The following IRAG1 variants were observed in gnomAD, a reference collection of about 807,000 sequenced individuals.
IRAG1 encodes inositol 1,4,5-triphosphate receptor associated 1.
Under a neutral mutation model 106.2 loss-of-function variants are expected in IRAG1, and 62 were observed. The observed-to-expected ratio is 0.58, with a 90% CI of 0.48 to 0.72. The LOEUF (loss-of-function observed/expected upper bound fraction) is 0.72. Ranked by LOEUF, IRAG1 falls within the 30% of genes least tolerant of loss-of-function variation. The pLI is 0.00. For missense variants in IRAG1, 1,064 were observed against 1,140.7 expected, an observed-to-expected ratio of 0.93 and a Z score of 0.97; for synonymous variants, 462 against 443.9, an observed-to-expected ratio of 1.04 and a Z score of -0.51.
At position 10,628,718 on chromosome 11, in the gene IRAG1, AGGGCAGGAAGTCCCC is replaced by A. The variant is rs1856463215; in HGVS notation, c.652+18_652+32del. The A allele has an allele frequency of 1.3e-6, 2 of 1,488,438 alleles. No homozygotes were observed. Among genetic ancestry groups the A allele is most frequent in the African/African-American group, 1.4e-5 (1 of 68,982 alleles). 92.2% of individuals were successfully genotyped at this position (1,488,438 alleles called of 1,614,324 possible). On this transcript the variant is annotated intron_variant, in intron 6 of 20. Transcript: ENST00000423302. The surrounding 1 kb of genome is among the most constrained non-coding windows in gnomAD (Gnocchi z 4.1). ...TGAGCTGCCACCCAGAGCGAGAGGC[AGGGCAGGAAGTCCCC>A]GGGCAGCTGGGCCTCACCTGGCGGG...
chr11:10,624,011 GAAGCACCAGGA>G (rs1260403185), intron 9 of IRAG1, among the ~76,000 whole-genome samples, 155 bp from the exon 10 acceptor site: 1 of 152,218 alleles, frequency 6.6e-6, no homozygotes, highest in Non-Finnish European at 1.5e-5. Flanking sequence ...TGAGGCCTGA[GAAGCACCAGGA>G]AATAGTTCCT....
At chr11:10,625,077 T>C (rs1856133386) in intron 9 of IRAG1, among the ~76,000 whole-genome samples, 1 of 152,212 alleles carries the variant, frequency 6.6e-6, no homozygotes, top group Admixed American at 6.5e-5. Flanking sequence ...CAGAGCATCA[T>C]GAAGGTATCT....
At chr11:10,687,759 A>C in intron 1 of IRAG1, 1 of 1,289,144 alleles carries the variant, frequency 7.8e-7, no homozygotes, top group African/African-American at 1.5e-5. Flanking sequence ...CCAGTGCAGA[A>C]GTCTTCTTGA....
rs774701631 is a variant in IRAG1, at chr11:10,657,391, C to T, written c.68-5209G>A. Among the ~76,000 whole-genome samples, 2 of 152,104 alleles carry T rather than the reference C, an allele frequency of 1.3e-5. No individual in the cohort carries two copies. Among genetic ancestry groups the T allele is most frequent in the Non-Finnish European group, 2.9e-5 (2 of 68,018 alleles). On this transcript the variant is annotated intron_variant, in intron 1 of 20. Coordinates refer to ENST00000423302, the MANE Select transcript of IRAG1 (RefSeq NM_130385.4). The surrounding 1 kb of genome is among the most constrained non-coding windows in gnomAD (Gnocchi z 4.1). ...AGGCAGCAGCAGCCTCTCATCATGG[C>T]GCCAAAGATGCCTCTCCCAGAGCCT...
chr11:10,593,654 T>G, intron 16 of IRAG1, 55 bp from the exon 17 acceptor site: 1 of 1,355,728 alleles, frequency 7.4e-7, no homozygotes, highest in Non-Finnish European at 1.0e-6. Context: ...ATAGCCATAG[T>G]TCAGAAGGGC....
intron 1 of IRAG1, among the ~76,000 whole-genome samples, chr11:10,690,935 AG>A (rs1208367375): frequency 6.6e-6 from 1 of 152,116 alleles, no homozygotes; most frequent in Non-Finnish European, 1.5e-5. Flanking sequence ...GGGCAGGGCC[AG>A]AGTCTGGGGG....
intron 1 of IRAG1, among the ~76,000 whole-genome samples, chr11:10,676,503 G>T (rs1860688430): frequency 6.6e-6 from 1 of 152,192 alleles, no homozygotes; most frequent in Admixed American, 6.5e-5. Context: ...CCCAGCTCTG[G>T]GTTGTAATTG....
At chr11:10,669,916 A>C (rs1860086917) in intron 1 of IRAG1, among the ~76,000 whole-genome samples, 2 of 152,208 alleles carry the variant, frequency 1.3e-5, no homozygotes, top group South Asian at 4.1e-4. Flanking sequence ...CAATAAAAAC[A>C]CTCAGAGGCC....
intron 11 of IRAG1, among the ~76,000 whole-genome samples, chr11:10,608,808 T>C (rs572297445): frequency 5.3e-4 from 80 of 152,344 alleles, no homozygotes; most frequent in Middle Eastern, 3.4e-3. Context: ...CTTGACACTG[T>C]TTGCAGCACA....
intron 20 of IRAG1, 56 bp from the exon 21 acceptor site, chr11:10,576,631 C>T (rs1850837525): frequency 6.3e-7 from 1 of 1,596,856 alleles, no homozygotes; most frequent in African/African-American, 1.3e-5. Context: ...ACATATGATA[C>T]ACAGACCCAC....
chr11:10,652,095 G>A lies in IRAG1; in HGVS notation c.155C>T (p.Ala52Val). Reference protein sequence around the residue: ...GTRGHSQQEAAMPHIPEDEEP... With the variant: ...GTRGHSQQEAVMPHIPEDEEP... The stretch of plus-strand genomic sequence containing the variant: ...CTCGTCCTCGGGAATGTGGGGCATG[G>A]CAGCCTCCTGCTGGGAGTGGCCACG... Residue 52 changes from alanine to valine, a missense_variant, in exon 2 of 21, where the codon GCC (alanine) becomes GTC (valine). Coordinates refer to ENST00000423302, the MANE Select transcript of IRAG1 (RefSeq NM_130385.4). 6.2e-7 allele frequency: 1 copy of A among 1,606,942 alleles called. No homozygotes were observed. Among genetic ancestry groups the A allele is most frequent in the Non-Finnish European group, 8.5e-7 (1 of 1,177,178 alleles).
rs1856734759 is a variant in IRAG1 at position 10,632,055 on chromosome 11, G to A, written c.336C>T (p.His112=). 1.9e-6 allele frequency: 3 copies of A among 1,613,232 alleles called. No homozygotes were observed. Among genetic ancestry groups the A allele is most frequent in the Non-Finnish European group, 2.5e-6 (3 of 1,179,264 alleles). ...ETDKNLANRV[H]SPHKRLSHRH... The stretch of plus-strand genomic sequence containing the variant: ...GGTGAGAAAGCCTCTTGTGGGGACT[G>A]TGAACTCTGAAAGACAGAACAGTCA... Residue 112 remains histidine (H), a synonymous_variant, in exon 4 of 21, where the codon CAC becomes CAT. Coordinates refer to ENST00000423302, the MANE Select transcript of IRAG1 (RefSeq NM_130385.4).
Position 10,640,669 on chromosome 11 carries a change from A to G in IRAG1, c.226-6598T>C, listed in dbSNP as rs192797184. ...AGATTTTCATGCAGTGCACACACGC[A>G]TCCCTGCTCCCATTCTGAGCTGTCA... On this transcript the variant is annotated intron_variant, in intron 2 of 20. Coordinates refer to ENST00000423302, the MANE Select transcript of IRAG1 (RefSeq NM_130385.4). Among the ~76,000 whole-genome samples, 61 of 152,324 alleles carry G rather than the reference A, an allele frequency of 4.0e-4. No homozygotes were observed. The East Asian group carries it at 8.9e-3, about 22-fold the overall frequency.
intron 1 of IRAG1, among the ~76,000 whole-genome samples, chr11:10,692,281 C>G (rs934142377): frequency 6.6e-6 from 1 of 152,066 alleles, no homozygotes; most frequent in South Asian, 2.1e-4. Context: ...GGTCAAAAAT[C>G]GCAAGACACA....
chr11:10,593,701 C>T, intron 16 of IRAG1, 102 bp from the exon 17 acceptor site: 3 of 893,296 alleles, frequency 3.4e-6, no homozygotes, highest in Non-Finnish European at 5.2e-6. Flanking sequence ...GCTGTAATGG[C>T]ATTCACTGGA....
chr11:10,604,552 G>A lies in IRAG1; in HGVS notation c.1603-7C>T. ...ACAGTTGCACAAACACGTTCTGTTGGGAACAAGGGTGTGAGAGAGGTGCTG... is the reference window on the plus strand; with the variant it reads ...ACAGTTGCACAAACACGTTCTGTTGAGAACAAGGGTGTGAGAGAGGTGCTG... On this transcript the variant is annotated splice_polypyrimidine_tract_variant and splice_region_variant and intron_variant, in intron 12 of 20. Coordinates refer to ENST00000423302, the MANE Select transcript of IRAG1 (RefSeq NM_130385.4). The A allele has an allele frequency of 6.2e-7, 1 of 1,614,016 alleles. No individual in the cohort carries two copies. The highest frequency in any genetic ancestry group is 8.5e-7 in the Non-Finnish European group (1 of 1,179,886).
chr11:10,626,511 G>C lies in IRAG1; in HGVS notation c.823C>G (p.Arg275Gly), dbSNP rs765399556. ...TTGGACTTCTCAACTGGAGGAGGAC[G>C]AGGAGCCAGCCTGCCCTGAGACACT... ...RKVSQGRLAPRPPPVEKSKEI... is the reference protein window; with the variant it reads ...RKVSQGRLAPGPPPVEKSKEI... Residue 275 changes from arginine (R) to glycine (G), a missense_variant, in exon 9 of 21, where the codon CGT becomes GGT. Physicochemically the swap from Arg to Gly is moderately radical, Grantham distance 125. Coordinates refer to ENST00000423302, the MANE Select transcript of IRAG1 (RefSeq NM_130385.4). The C allele has an allele frequency of 1.9e-6, 3 of 1,613,424 alleles. No homozygotes were observed. In the South Asian group the frequency reaches 3.3e-5, roughly 18 times the overall value.
At chr11:10,619,467 A>T (rs1345824106) in intron 10 of IRAG1, among the ~76,000 whole-genome samples, 3 of 152,140 alleles carry the variant, frequency 2.0e-5, no homozygotes, top group African/African-American at 7.2e-5. Flanking sequence ...ATGGGAGGGG[A>T]CGGGGCTCTT....
chr11:10,681,817 A>C (rs970283217), intron 1 of IRAG1, among the ~76,000 whole-genome samples: 1 of 152,184 alleles, frequency 6.6e-6, no homozygotes, highest in African/African-American at 2.4e-5. Flanking sequence ...GCATTTGTTC[A>C]TTCATTTAAT....
Sources: gnomAD v4.1 joint callset for allele counts (sites outside exome capture counted in the v4.1 genomes callset) on GRCh38, gnomAD v4.1.1 for gene constraint, Gnocchi (gnomAD v3.1) non-coding constraint, MANE v1.5 for transcripts, NCBI Gene and HGNC (gene_info 2026-07-23, HGNC 2026-07-21) for gene names.